MEGF10: variants seen among roughly 807,000 people sequenced by gnomAD.
The protein encoded by MEGF10 is multiple epidermal growth factor-like domains protein 10.
Under a neutral mutation model 147.5 loss-of-function variants are expected in MEGF10, and 86 were observed. That is an observed-to-expected ratio of 0.58 (90% CI 0.49 to 0.70). The LOEUF (loss-of-function observed/expected upper bound fraction) is 0.70, where lower values mean the gene tolerates loss of function less well. Ranked by LOEUF, MEGF10 falls within the 30% of genes least tolerant of loss-of-function variation. The pLI is 0.00. For missense variants in MEGF10, 1,329 were observed against 1,487.3 expected (o/e 0.89, Z 1.75); for synonymous variants, 478 against 525.5 (o/e 0.91, Z 1.24).
At chr5:127,440,166 G>T (rs1765703121) in intron 17 of MEGF10, among the ~76,000 whole-genome samples, 1 of 152,196 alleles carries the variant, frequency 6.6e-6, no homozygotes, top group Non-Finnish European at 1.5e-5. Context: ...TCATGCAGCA[G>T]TGTGAAGGGT....
intron 6 of MEGF10, among the ~76,000 whole-genome samples, chr5:127,397,311 G>C (rs928734540): frequency 6.6e-6 from 1 of 152,178 alleles, no homozygotes; most frequent in Non-Finnish European, 1.5e-5. Context: ...GATACATATT[G>C]CTTTGTGAAT....
At position 127,455,462 on chromosome 5, in the gene MEGF10, A is replaced by G; in HGVS notation, c.3087A>G (p.Pro1029=). 4 of 1,614,156 alleles carry G rather than the reference A, an allele frequency of 2.5e-6. No individual in the cohort carries two copies. Among genetic ancestry groups the G allele is most frequent in the Non-Finnish European group, 3.4e-6 (4 of 1,180,024 alleles). The part of the protein sequence containing the change: ...SNCSLSSSEN[P]YATIKDPPVL... ...GCTCCCTAAGCAGTTCTGAGAACCC[A>G]TATGCCACTATTAAAGACCCACCTG... Residue 1029 remains proline (P), a synonymous_variant, in exon 24 of 25, where the codon CCA becomes CCG. Transcript: ENST00000503335.
At chr5:127,308,686 G>T (rs1365083791) in intron 1 of MEGF10, among the ~76,000 whole-genome samples, 1 of 151,624 alleles carries the variant, frequency 6.6e-6, no homozygotes, top group Non-Finnish European at 1.5e-5. Flanking sequence ...ACACAGGAAG[G>T]GGAACATCAC....
At chr5:127,416,450 A>G (rs1764782813) in intron 9 of MEGF10, among the ~76,000 whole-genome samples, 1 of 152,086 alleles carries the variant, frequency 6.6e-6, no homozygotes, top group Non-Finnish European at 1.5e-5. Flanking sequence ...TTCTAAGTAG[A>G]TCTGAGACTC....
At chr5:127,249,070 A>G in the MEGF10 span, among the ~76,000 whole-genome samples, 1 of 152,026 alleles carries the variant, frequency 6.6e-6, no homozygotes, top group Non-Finnish European at 1.5e-5. Context: ...AATAAATTTT[A>G]TTTTCTCACC....
chr5:127,285,459 A>G, the MEGF10 span, among the ~76,000 whole-genome samples: 7 of 152,278 alleles, frequency 4.6e-5, no homozygotes, highest in South Asian at 1.5e-3. Context: ...TTCTATGTTA[A>G]CAGAGTGATA....
chr5:127,402,875 T>C (rs1764185570), intron 8 of MEGF10, among the ~76,000 whole-genome samples, 193 bp downstream of exon 8: 1 of 152,052 alleles, frequency 6.6e-6, no homozygotes, highest in Non-Finnish European at 1.5e-5. Flanking sequence ...TAAATAGCAA[T>C]GGTAAATTGA....
intron 18 of MEGF10, among the ~76,000 whole-genome samples, chr5:127,442,154 A>T (rs1765779079): frequency 6.6e-6 from 1 of 152,232 alleles, no homozygotes; most frequent in Non-Finnish European, 1.5e-5. Context: ...ATTAAATAAG[A>T]AAACCTCTTA....
chr5:127,238,823 A>AT, the MEGF10 span, among the ~76,000 whole-genome samples: 1,381 of 152,326 alleles, frequency 9.1e-3, 30 homozygotes, highest in African/African-American at 0.032. Flanking sequence ...CTTGGTATTA[A>AT]GATGGCTCAT....
chr5:127,407,022 T>A (rs1250931284), intron 8 of MEGF10, among the ~76,000 whole-genome samples: 4 of 152,102 alleles, frequency 2.6e-5, no homozygotes, highest in Non-Finnish European at 5.9e-5. Context: ...CTCTGCCAAG[T>A]CTGTGTTCCA....
At chr5:127,410,827 A>G (rs527350872) in intron 9 of MEGF10, among the ~76,000 whole-genome samples, 1 of 152,350 alleles carries the variant, frequency 6.6e-6, no homozygotes, top group South Asian at 2.1e-4. Flanking sequence ...GTGGATAGCA[A>G]ATTCTATTCT....
chr5:127,334,549 G>A (rs567385868), intron 2 of MEGF10, among the ~76,000 whole-genome samples: 37 of 152,186 alleles, frequency 2.4e-4, no homozygotes, highest in African/African-American at 8.9e-4. Flanking sequence ...TTAATGCAGC[G>A]ATTGTGATTC....
chr5:127,393,107 G>T (rs1308608786), intron 5 of MEGF10, among the ~76,000 whole-genome samples: 1 of 152,174 alleles, frequency 6.6e-6, no homozygotes, highest in Non-Finnish European at 1.5e-5. Context: ...CTATTTTCAT[G>T]TTAACTATAT....
chr5:127,442,129 A>G (rs1561649555), intron 18 of MEGF10, among the ~76,000 whole-genome samples: 1 of 152,206 alleles, frequency 6.6e-6, no homozygotes, highest in Non-Finnish European at 1.5e-5. Context: ...ATGCCAGATG[A>G]CTGGTTAAGG....
At chr5:127,444,555 C>T (rs938505634) in intron 19 of MEGF10, 2 of 152,130 alleles carry the variant, frequency 1.3e-5, no homozygotes, top group East Asian at 1.9e-4. Context: ...AAAACTGCAG[C>T]CTGAAAGCTT....
chr5:127,422,751 C>T lies in MEGF10; in HGVS notation c.1672C>T (p.Arg558Cys), dbSNP rs374111304. 7.4e-6 allele frequency: 12 copies of T among 1,613,882 alleles called. No individual in the cohort carries two copies. Among genetic ancestry groups the T allele is most frequent in the Admixed American group, 3.3e-5 (2 of 60,000 alleles). ...CTGCCACCCTACCACGGGCCATTGC[C>T]GCTGCCTCCCCGGATGGTCAGGTGA... ...DGCHPTTGHCRCLPGWSGVHC... is the reference protein window; with the variant it reads ...DGCHPTTGHCCCLPGWSGVHC... Residue 558 changes from arginine to cysteine, a missense_variant, in exon 13 of 25, where the codon CGC becomes TGC. By Grantham distance (180) the Arg-to-Cys change is radical. Transcript: ENST00000503335.
the MEGF10 span, among the ~76,000 whole-genome samples, chr5:127,244,983 A>G: frequency 1.3e-5 from 2 of 152,236 alleles, no homozygotes; most frequent in African/African-American, 4.8e-5. Context: ...AAATCATTCC[A>G]TGCTCATGGA....
intron 2 of MEGF10, 140 bp downstream of exon 2, chr5:127,331,564 A>G: frequency 1.7e-6 from 1 of 572,718 alleles, no homozygotes. Context: ...AGTCATAGCT[A>G]GCAAATTAGG....
rs1480407942 is a variant in MEGF10 at position 127,419,202 on chromosome 5, T to C, written c.1388T>C (p.Val463Ala). The part of the protein sequence containing the change: ...SSRCGCKNDA[V>A]CSPVDGSCTC... ...CGCTGTGGCTGTAAAAATGATGCAG[T>C]CTGCTCTCCTGTGGACGGGTCTTGT... Residue 463 changes from valine to alanine, a missense_variant, in exon 11 of 25, where the codon GTC becomes GCC. By Grantham distance (64) the Val-to-Ala change is moderately conservative (BLOSUM62 0). Coordinates refer to ENST00000503335, the MANE Select transcript of MEGF10 (RefSeq NM_001256545.2). The C allele has an allele frequency of 1.1e-5, 17 of 1,614,052 alleles. No individual in the cohort carries two copies. Among genetic ancestry groups the C allele is most frequent in the Non-Finnish European group, 1.4e-5 (17 of 1,180,032 alleles).
Sources: gnomAD v4.1 joint callset for allele counts (sites outside exome capture counted in the v4.1 genomes callset) on GRCh38, gnomAD v4.1.1 for gene constraint, MANE v1.5 for transcripts, NCBI Gene and HGNC (gene_info 2026-07-23, HGNC 2026-07-21) for gene names.